Variants in MORC1 observed in about 807,000 individuals in gnomAD.
The protein encoded by MORC1 is MORC family CW-type zinc finger 1.
In MORC1, 59 loss-of-function variants were observed where a neutral mutation model predicts 134.9. That is an observed-to-expected ratio of 0.44 (90% CI 0.35 to 0.54). The LOEUF is 0.54. Among genes scored for constraint, MORC1 ranks in the 20% least tolerant of loss-of-function variants. The probability of loss-of-function intolerance (pLI) is 0.00; values close to 1 mark genes in which losing one functional copy is unlikely to be tolerated. For missense variants in MORC1, 947 were observed against 1,134.5 expected (o/e 0.83, Z 2.37); for synonymous variants, 395 against 391.7 (o/e 1.01, Z -0.10).
intron 26 of MORC1, among the ~76,000 whole-genome samples, chr3:108,969,021 TGTA>T (rs1947297037): frequency 6.6e-6 from 1 of 151,988 alleles, no homozygotes; most frequent in African/African-American, 2.4e-5. Context: ...GAGATACTTC[TGTA>T]GTAGAACTGA....
chr3:108,959,268 G>A, intron 27 of MORC1, 148 bp from the exon 28 acceptor site: 1 of 603,402 alleles, frequency 1.7e-6, no homozygotes, highest in South Asian at 3.0e-5. Flanking sequence ...CCTTTCAAAA[G>A]GTTTTCTCAT....
rs148466013 is a variant in MORC1 at position 108,977,709 on chromosome 3, A to C, written c.2477+1806T>G. ...ATAGGCCTGAATTTTAGGACCAGTA[A>C]CATATCAGGGTTCAAATTTACAGCA... On this transcript the variant is annotated intron_variant, in intron 24 of 27. Transcript: ENST00000232603. 4.9e-3 allele frequency among the ~76,000 whole-genome samples: 751 copies of C among 152,324 alleles called. 2 individuals carry two copies. The highest frequency in any genetic ancestry group is 0.01 in the Middle Eastern group (3 of 294).
intron 8 of MORC1, among the ~76,000 whole-genome samples, chr3:109,084,387 A>G (rs1223461091): frequency 2.0e-5 from 3 of 152,270 alleles, no homozygotes; most frequent in East Asian, 3.9e-4. Flanking sequence ...GAAATCAAGA[A>G]AGCAATCCCA....
chr3:109,115,290 G>A (rs555546185), intron 1 of MORC1, among the ~76,000 whole-genome samples: 7 of 151,660 alleles, frequency 4.6e-5, no homozygotes, highest in South Asian at 4.2e-4. Context: ...GCAACCTCAG[G>A]CCACAGGACA....
In MORC1 at chr3:109,077,105, A is replaced by C. The variant is rs2107725135; in HGVS notation, c.690-7348T>G. Among the ~76,000 whole-genome samples, 3 of 152,332 alleles carry C rather than the reference A, an allele frequency of 2.0e-5. 1 individual carries two copies. The South Asian group carries it at 6.2e-4, about 32-fold the overall frequency. ...ACAACATGTATTCAAGAAGTCAAAGAAGCAAATAGTTCTAAGGGAAACTAT... is the reference window on the plus strand; with the variant it reads ...ACAACATGTATTCAAGAAGTCAAAGCAGCAAATAGTTCTAAGGGAAACTAT... On this transcript the variant is annotated intron_variant, in intron 8 of 27. Coordinates refer to ENST00000232603, the MANE Select transcript of MORC1 (RefSeq NM_014429.4).
chr3:109,112,261 A>T (rs1951183371), intron 2 of MORC1, among the ~76,000 whole-genome samples: 1 of 152,166 alleles, frequency 6.6e-6, no homozygotes, highest in Non-Finnish European at 1.5e-5. Flanking sequence ...TAGGAAGAGG[A>T]CCCTAACAAA....
rs144833305 is a variant in MORC1, at chr3:109,076,825, C to T, written c.690-7068G>A. ...GGGAACATCACACACCAGGGCCTGGCGGGGGATCGGGGACTAGGGGAGGGA... is the reference window on the plus strand; with the variant it reads ...GGGAACATCACACACCAGGGCCTGGTGGGGGATCGGGGACTAGGGGAGGGA... On this transcript the variant is annotated intron_variant, in intron 8 of 27. Coordinates refer to ENST00000232603, the MANE Select transcript of MORC1 (RefSeq NM_014429.4). 1.9e-3 allele frequency among the ~76,000 whole-genome samples: 291 copies of T among 151,844 alleles called. 2 individuals are homozygous for T. Among genetic ancestry groups the T allele is most frequent in the African/African-American group, 6.0e-3 (248 of 41,412 alleles).
intron 2 of MORC1, among the ~76,000 whole-genome samples, chr3:109,113,491 A>T (rs948808375): frequency 3.5e-4 from 54 of 152,208 alleles, no homozygotes; most frequent in Admixed American, 2.6e-4. Flanking sequence ...ATGCAAAAAA[A>T]GCTAAAACAC....
intron 8 of MORC1, among the ~76,000 whole-genome samples, chr3:109,072,024 GTTTA>G (rs1950330150): frequency 6.6e-6 from 1 of 151,692 alleles, no homozygotes; most frequent in East Asian, 1.9e-4. Context: ...AGAAGTTCCT[GTTTA>G]TTTGTGACAA....
intron 21 of MORC1, among the ~76,000 whole-genome samples, chr3:108,997,959 G>A (rs1368689785): frequency 1.3e-5 from 2 of 152,046 alleles, no homozygotes; most frequent in East Asian, 1.9e-4. Flanking sequence ...TTATTGTCCC[G>A]AAAGCCTGAA....
chr3:109,032,669 A>G, intron 16 of MORC1, 51 bp downstream of exon 16: 1 of 1,284,848 alleles, frequency 7.8e-7, no homozygotes, highest in Non-Finnish European at 1.1e-6. Context: ...ATACATATGA[A>G]CTTTAGAAAT....
At chr3:109,101,156 T>C (rs962314140) in intron 4 of MORC1, among the ~76,000 whole-genome samples, 1 of 152,068 alleles carries the variant, frequency 6.6e-6, no homozygotes, top group Non-Finnish European at 1.5e-5. Context: ...ACAAATGAAA[T>C]GAGATGATGT....
At chr3:109,031,656 C>A (rs1017823283) in intron 16 of MORC1, among the ~76,000 whole-genome samples, 2 of 152,148 alleles carry the variant, frequency 1.3e-5, no homozygotes, top group African/African-American at 2.4e-5. Flanking sequence ...TTTTAATTCT[C>A]ATTTTTCCAA....
intron 4 of MORC1, among the ~76,000 whole-genome samples, chr3:109,100,733 A>C (rs1446144139): frequency 6.6e-6 from 1 of 152,202 alleles, no homozygotes; most frequent in African/African-American, 2.4e-5. Flanking sequence ...AGACTCAACT[A>C]ATCTTGGACT....
chr3:109,063,146 G>A lies in MORC1; in HGVS notation c.895+6C>T, dbSNP rs111259545. On this transcript the variant is annotated splice_donor_region_variant and intron_variant, in intron 10 of 27. Coordinates refer to ENST00000232603, the MANE Select transcript of MORC1 (RefSeq NM_014429.4). ...ACAATGATGTAGGCTACAGGTAATCGCATACCAATCTTTACTGCTTCTTCT... is the reference window on the plus strand; with the variant it reads ...ACAATGATGTAGGCTACAGGTAATCACATACCAATCTTTACTGCTTCTTCT... The A allele has an allele frequency of 4.4e-6, 7 of 1,577,706 alleles. No homozygotes were observed. The East Asian group carries it at 6.7e-5, about 15-fold the overall frequency.
chr3:109,059,860 T>C lies in MORC1; in HGVS notation c.977A>G (p.Gln326Arg), dbSNP rs1374926232. The C allele has an allele frequency of 6.2e-7, 1 of 1,612,282 alleles. No individual in the cohort carries two copies. Among genetic ancestry groups the C allele is most frequent in the Non-Finnish European group, 8.5e-7 (1 of 1,179,152 alleles). ...TSLSSAKDVL[Q>R]RALEDVEAKQ... ...TGCTTCTACATCTTCCAAAGCTCTC[T>C]GTAATACATCCTGGAGAAATGCATT... Residue 326 changes from glutamine to arginine, a missense_variant, in exon 12 of 28, where the codon CAG (glutamine) becomes CGG (arginine). By Grantham distance (43) the Gln-to-Arg change is conservative. Transcript: ENST00000232603.
chr3:109,054,243 T>C (rs1438159831), intron 14 of MORC1, among the ~76,000 whole-genome samples: 1 of 149,564 alleles, frequency 6.7e-6, no homozygotes, highest in Non-Finnish European at 1.5e-5. Context: ...ATTGCATCAC[T>C]GCACTCCAGC....
At position 109,000,631 on chromosome 3, in the gene MORC1, G is replaced by C; in HGVS notation, c.2113C>G (p.Gln705Glu). 6.2e-7 allele frequency: 1 copy of C among 1,610,424 alleles called. No individual in the cohort carries two copies. The highest frequency in any genetic ancestry group is 8.5e-7 in the Non-Finnish European group (1 of 1,178,738). Residue 705 changes from glutamine (Q) to glutamate (E), a missense_variant, in exon 21 of 28, where the codon CAG (glutamine) becomes GAG (glutamate). This residue lies in a region of MORC1 where 722 missense variants were observed against 817.0 expected (regional missense o/e 0.88). Transcript: ENST00000232603. ...CATTCCTCTACAAAGTTCAGACTCT[G>C]CTTCCTTTTCATTTCCCAAGAAGCG... ...QAASWEMKRK[Q>E]SLNFVEECKV...
At chr3:108,963,355 G>A in intron 27 of MORC1, 59 bp downstream of exon 27, 1 of 1,399,104 alleles carries the variant, frequency 7.1e-7, no homozygotes, top group Non-Finnish European at 9.9e-7. Flanking sequence ...GGAGAAGTTA[G>A]CTGAGTTCTC....
Sources: allele counts gnomAD v4.1 joint callset (sites outside exome capture counted in the v4.1 genomes callset), GRCh38; gene constraint gnomAD v4.1.1; regional missense constraint gnomAD v4.1.1; transcripts MANE v1.5; gene names NCBI Gene and HGNC (gene_info 2026-07-23, HGNC 2026-07-21).